CTNNA2: variants seen among roughly 807,000 people sequenced by gnomAD.
CTNNA2 encodes catenin alpha 2.
Under a neutral mutation model 101.0 loss-of-function variants are expected in CTNNA2, and 42 were observed. The observed-to-expected ratio is 0.42, with a 90% CI of 0.32 to 0.54. The LOEUF is 0.54. CTNNA2 is among the 20% of genes least tolerant of loss of function. The pLI is 0.14. For synonymous variants in CTNNA2, 450 were observed against 456.4 expected (o/e 0.99, Z 0.18); for missense variants, 871 against 1,223.1 (o/e 0.71, Z 4.29).
At chr2:80,567,487 T>C (rs769721388) in intron 12 of CTNNA2, among the ~76,000 whole-genome samples, 1 of 152,184 alleles carries the variant, frequency 6.6e-6, no homozygotes, top group Non-Finnish European at 1.5e-5. Context: ...TGGGCAACTT[T>C]AGGGCCCCAG....
At chr2:79,352,653 T>C (rs560523850) in intron 3 of CTNNA2, among the ~76,000 whole-genome samples, 13 of 152,302 alleles carry the variant, frequency 8.5e-5, no homozygotes, top group African/African-American at 3.1e-4. Context: ...TTCTTTTTCA[T>C]TGTAGTTCCT....
At chr2:79,526,238 T>C (rs932410632) in intron 1 of CTNNA2, among the ~76,000 whole-genome samples, 1 of 152,040 alleles carries the variant, frequency 6.6e-6, no homozygotes, top group African/African-American at 2.4e-5. Flanking sequence ...TTTATTGTAA[T>C]TATAAAACAA....
At chr2:79,913,106 C>A (rs1279019814) in intron 7 of CTNNA2, among the ~76,000 whole-genome samples, 2 of 152,128 alleles carry the variant, frequency 1.3e-5, no homozygotes, top group Non-Finnish European at 2.9e-5. Context: ...TGGGAGGAGA[C>A]AGACAGTAAA....
chr2:79,854,505 G>T (rs189002651), intron 3 of CTNNA2, among the ~76,000 whole-genome samples: 163 of 152,314 alleles, frequency 1.1e-3, no homozygotes, highest in African/African-American at 3.6e-3. Flanking sequence ...AGTTGGGGTG[G>T]AGTCGAGATC....
intron 9 of CTNNA2, among the ~76,000 whole-genome samples, chr2:80,427,306 C>CTGTGAAGAAGTAA (rs1328790264): frequency 6.6e-6 from 1 of 152,134 alleles, no homozygotes; most frequent in Non-Finnish European, 1.5e-5. Context: ...AATTTCAAAT[C>CTGTGAAGAAGTAA]TGTGAAGAAC....
chr2:80,302,831 T>C lies in CTNNA2; in HGVS notation c.1057-90380T>C, dbSNP rs6733871. ...GCCATCGTAGCGCCCCTGGAAGTTG[T>C]TGAGCCACGAGGCTAGGGCACACAC... is the stretch of plus-strand genomic sequence containing the variant. On this transcript the variant is annotated intron_variant, in intron 7 of 18. Transcript: ENST00000402739. This position sits in a 1 kb window ranked among gnomAD's most constrained non-coding sequence, Gnocchi z 6.4. 0.22 allele frequency: 351,320 copies of C among 1,613,676 alleles called. 45,305 individuals are homozygous for C. The highest frequency in any genetic ancestry group is 0.54 in the East Asian group (23,995 of 44,824).
At chr2:79,426,617 AAT>A (rs1678594708) in intron 4 of CTNNA2, among the ~76,000 whole-genome samples, 1 of 152,154 alleles carries the variant, frequency 6.6e-6, no homozygotes, top group Admixed American at 6.6e-5. Flanking sequence ...ATACTCAGTG[AAT>A]AAACCATTGC....
intron 7 of CTNNA2, among the ~76,000 whole-genome samples, chr2:80,276,519 G>A (rs1463546236): frequency 6.6e-6 from 1 of 152,160 alleles, no homozygotes; most frequent in Non-Finnish European, 1.5e-5. Context: ...TTATGATTCT[G>A]CAGACTCTAT....
chr2:80,253,947 G>A (rs1357584087), intron 7 of CTNNA2, among the ~76,000 whole-genome samples: 1 of 152,088 alleles, frequency 6.6e-6, no homozygotes, highest in Non-Finnish European at 1.5e-5. Flanking sequence ...ATATAAATAA[G>A]TAAGATAGGT....
intron 2 of CTNNA2, among the ~76,000 whole-genome samples, chr2:79,225,577 C>G (rs569697381): frequency 1.3e-5 from 2 of 152,256 alleles, no homozygotes; most frequent in African/African-American, 4.8e-5. Flanking sequence ...ATATAAGGCC[C>G]ATGTGGCTAC....
chr2:79,196,493 T>C (rs1673963309), intron 1 of CTNNA2, among the ~76,000 whole-genome samples: 1 of 152,212 alleles, frequency 6.6e-6, no homozygotes, highest in South Asian at 2.1e-4. Context: ...CCTCCTATCA[T>C]GTGAATCAAA....
chr2:79,288,700 G>T (rs1305368427), intron 2 of CTNNA2, among the ~76,000 whole-genome samples: 1 of 152,178 alleles, frequency 6.6e-6, no homozygotes. Context: ...CTAAGGGAGA[G>T]AAATTAGAGG....
At chr2:79,949,202 T>G (rs185284367) in intron 7 of CTNNA2, among the ~76,000 whole-genome samples, 1 of 152,284 alleles carries the variant, frequency 6.6e-6, no homozygotes, top group Non-Finnish European at 1.5e-5. Context: ...GGATAATCAC[T>G]TATATTTCAT....
chr2:80,626,459 C>T (rs778365456), intron 18 of CTNNA2, among the ~76,000 whole-genome samples: 1 of 152,040 alleles, frequency 6.6e-6, no homozygotes, highest in Non-Finnish European at 1.5e-5. Context: ...TGGAAACTTC[C>T]ACCCCTCTGC....
chr2:80,400,971 C>T (rs948023628), intron 8 of CTNNA2, among the ~76,000 whole-genome samples: 5 of 152,202 alleles, frequency 3.3e-5, no homozygotes, highest in African/African-American at 1.2e-4. Context: ...GCCTGGAATA[C>T]TCCCACCACC....
intron 1 of CTNNA2, among the ~76,000 whole-genome samples, chr2:79,640,507 A>C (rs989144693): frequency 1.1e-4 from 17 of 152,332 alleles, no homozygotes; most frequent in African/African-American, 3.8e-4. Flanking sequence ...TTTTTCTGAA[A>C]TACATAAATA....
chr2:80,286,487 TC>T (rs1674777831), intron 7 of CTNNA2, among the ~76,000 whole-genome samples: 1 of 152,226 alleles, frequency 6.6e-6, no homozygotes, highest in African/African-American at 2.4e-5. Context: ...TTCTGGATTG[TC>T]CTGGTGATGA....
chr2:80,084,811 C>T (rs1286177496), intron 7 of CTNNA2, among the ~76,000 whole-genome samples: 4 of 151,956 alleles, frequency 2.6e-5, no homozygotes, highest in African/African-American at 7.2e-5. Context: ...ATTTTGCCTC[C>T]GCCTGTGATG....
At chr2:80,490,462 T>C (rs1269236608) in intron 9 of CTNNA2, among the ~76,000 whole-genome samples, 2 of 152,090 alleles carry the variant, frequency 1.3e-5, no homozygotes, top group African/African-American at 2.4e-5. Context: ...GAAATTCAGA[T>C]TTCATATAAT....
Sources: gnomAD v4.1 joint callset for allele counts (sites outside exome capture counted in the v4.1 genomes callset) on GRCh38, gnomAD v4.1.1 for gene constraint, Gnocchi (gnomAD v3.1) non-coding constraint, MANE v1.5 for transcripts, NCBI Gene and HGNC (gene_info 2026-07-23, HGNC 2026-07-21) for gene names.